The following GABRB3 variants were observed in gnomAD, a reference collection of about 807,000 sequenced individuals.
GABRB3 encodes the protein gamma-aminobutyric acid type A receptor subunit beta3, also known as gamma-aminobutyric acid receptor subunit beta-3.
A neutral mutation model predicts 52.1 loss-of-function variants in GABRB3; 14 were observed. The ratio of observed to expected loss-of-function variants is 0.27; its 90% CI spans 0.18 to 0.42. GABRB3 has a LOEUF of 0.42. Ranked by LOEUF, GABRB3 falls within the 10% of genes least tolerant of loss-of-function variation. GABRB3 has a pLI of 1.00. For missense variants in GABRB3, 307 were observed against 609.1 expected, an observed-to-expected ratio of 0.50 and a Z score of 5.22; for synonymous variants, 260 against 232.3, an observed-to-expected ratio of 1.12 and a Z score of -1.08.
At chr15:26,623,781 C>T (rs1195439459) in intron 3 of GABRB3, among the ~76,000 whole-genome samples, 1 of 152,064 alleles carries the variant, frequency 6.6e-6, no homozygotes, top group Non-Finnish European at 1.5e-5. Flanking sequence ...TGAGCCTGCA[C>T]ACCCCGTGTC....
At chr15:26,705,131 C>G (rs1016985019) in intron 3 of GABRB3, among the ~76,000 whole-genome samples, 11 of 152,288 alleles carry the variant, frequency 7.2e-5, no homozygotes, top group Non-Finnish European at 1.3e-4. Flanking sequence ...TTATAACGAG[C>G]AGAAATGTAT....
At chr15:26,552,758 C>T (rs577829900) in intron 8 of GABRB3, among the ~76,000 whole-genome samples, 21 of 152,252 alleles carry the variant, frequency 1.4e-4, no homozygotes, top group African/African-American at 2.6e-4. Context: ...CATCTTCTAC[C>T]GTACCTTGTG....
chr15:26,637,510 G>A (rs1893091196), intron 3 of GABRB3, among the ~76,000 whole-genome samples: 1 of 152,176 alleles, frequency 6.6e-6, no homozygotes, highest in African/African-American at 2.4e-5. Flanking sequence ...ATGGTGCTGA[G>A]CACAAATTAG....
chr15:26,732,008 T>G lies in GABRB3; in HGVS notation c.240+40394A>C, dbSNP rs73372126. Reference sequence around the variant, plus strand: ...ATGGACAGATGGACGCGTGGACAGATGGACAGATGGTTGGATGGATGGATG... The same window carrying G: ...ATGGACAGATGGACGCGTGGACAGAGGGACAGATGGTTGGATGGATGGATG... On this transcript the variant is annotated intron_variant, in intron 3 of 8. Transcript: ENST00000311550. Among the ~76,000 whole-genome samples the G allele has an allele frequency of 8.3e-3, 1,261 of 152,192 alleles. 17 individuals carry two copies. Among genetic ancestry groups the G allele is most frequent in the African/African-American group, 0.029 (1,222 of 41,526 alleles).
chr15:26,600,982 G>C (rs1054944136), intron 4 of GABRB3, among the ~76,000 whole-genome samples: 1 of 152,146 alleles, frequency 6.6e-6, no homozygotes, highest in Admixed American at 6.6e-5. Context: ...CATAAAATGT[G>C]TGTGGGGGGG....
intron 7 of GABRB3, 94 bp from the exon 8 acceptor site, chr15:26,561,270 T>C: frequency 6.4e-7 from 1 of 1,559,028 alleles, no homozygotes; most frequent in Non-Finnish European, 8.8e-7. Context: ...CAGCTTTAAG[T>C]AGTCAGAGAT....
chr15:26,670,781 C>T (rs1446512091), intron 3 of GABRB3, among the ~76,000 whole-genome samples: 1 of 152,220 alleles, frequency 6.6e-6, no homozygotes, highest in Non-Finnish European at 1.5e-5. Context: ...ATTTAAAACT[C>T]GCTTTTCCTA....
rs943771659 is a variant in GABRB3 at position 26,673,475 on chromosome 15, C to T, written c.241-51941G>A. On this transcript the variant is annotated intron_variant, in intron 3 of 8. Coordinates refer to ENST00000311550, the MANE Select transcript of GABRB3 (RefSeq NM_000814.6). ...AGCTGTACCTGTTCACCTAAAATTT[C>T]GCTTCATCCCCTAAGGTACTTGGAG... Among the ~76,000 whole-genome samples, 9 of 152,164 alleles carry T rather than the reference C, an allele frequency of 5.9e-5. No individual in the cohort carries two copies. The South Asian group carries it at 1.0e-3, about 17-fold the overall frequency.
chr15:26,581,053 G>T (rs1032471569), intron 5 of GABRB3: 5 of 206,424 alleles, frequency 2.4e-5, no homozygotes, highest in African/African-American at 1.2e-4. Context: ...ATGGGCACAG[G>T]TGGTCTCATC....
At chr15:26,631,192 A>G (rs1387326800) in intron 3 of GABRB3, among the ~76,000 whole-genome samples, 1 of 152,226 alleles carries the variant, frequency 6.6e-6, no homozygotes, top group African/African-American at 2.4e-5. Context: ...AAATCTCCTG[A>G]GTATATACAA....
chr15:26,696,919 C>T (rs1290566576), intron 3 of GABRB3, among the ~76,000 whole-genome samples: 1 of 152,136 alleles, frequency 6.6e-6, no homozygotes, highest in African/African-American at 2.4e-5. Flanking sequence ...TATTGCACCC[C>T]GACAATGGCC....
intron 6 of GABRB3, 86 bp downstream of exon 6, chr15:26,580,233 G>T: frequency 6.8e-7 from 1 of 1,472,348 alleles, no homozygotes. Context: ...CCTGTGCTGT[G>T]AGTCTATGGC....
chr15:26,743,827 A>C (rs979705812), intron 3 of GABRB3, among the ~76,000 whole-genome samples: 2 of 152,232 alleles, frequency 1.3e-5, no homozygotes, highest in African/African-American at 4.8e-5. Context: ...ATTGGTCACC[A>C]GAGATGAATG....
intron 3 of GABRB3, among the ~76,000 whole-genome samples, chr15:26,643,281 C>A (rs1893259591): frequency 6.6e-6 from 1 of 152,196 alleles, no homozygotes; most frequent in South Asian, 2.1e-4. Context: ...TGACTGCAGT[C>A]ATGGTGGAAC....
At chr15:26,640,471 C>T (rs1032323711) in intron 3 of GABRB3, among the ~76,000 whole-genome samples, 2 of 152,034 alleles carry the variant, frequency 1.3e-5, no homozygotes. Context: ...GAGCCGAGAT[C>T]ACGCCACTGC....
At position 26,580,323 on chromosome 15, in the gene GABRB3, G is replaced by A; in HGVS notation, c.678C>T (p.Ala226=). 1 of 1,614,140 alleles carries A rather than the reference G, an allele frequency of 6.2e-7. No homozygotes were observed. Among genetic ancestry groups the A allele is most frequent in the Non-Finnish European group, 8.5e-7 (1 of 1,180,032 alleles). ...HRLVSRNVVF[A]TGAYPRLSLS... is the part of the protein sequence containing the mutation. ...ATAAGTGGATGCAGGACTCACCTGT[G>A]GCGAAGACAACATTCCTCGAGACCA... The change falls in exon 6 of 9, where the codon GCC becomes GCT. Residue 226 remains alanine (A), a synonymous_variant. Coordinates refer to ENST00000311550, the MANE Select transcript of GABRB3 (RefSeq NM_000814.6).
chr15:26,772,727 G>A lies in GABRB3; in HGVS notation c.126C>T (p.Asp42=). ...GNMSFVKETV[D]KLLKGYDIRL... ...GAATGTCGTAGCCTTTCAACAGCTT[G>A]TCCACCGTCTCCTTCACAAAGGACA... The change falls in exon 2 of 9, where the codon GAC becomes GAT. Residue 42 remains aspartate (D), a synonymous_variant. Transcript: ENST00000311550. The A allele has an allele frequency of 6.3e-7, 1 of 1,576,240 alleles. No individual in the cohort carries two copies. Among genetic ancestry groups the A allele is most frequent in the East Asian group, 2.5e-5 (1 of 40,638 alleles).
At chr15:26,773,643 A>G, upstream of GABRB3, 2 of 1,560,098 alleles carry the variant, frequency 1.3e-6, no homozygotes, top group Non-Finnish European at 1.7e-6. Flanking sequence ...CCCCCGCCTC[A>G]CCTGCGGGGC....
At chr15:26,591,091 A>G (rs1402632821) in intron 4 of GABRB3, among the ~76,000 whole-genome samples, 5 of 152,150 alleles carry the variant, frequency 3.3e-5, no homozygotes, top group Admixed American at 2.0e-4. Flanking sequence ...TGGGTAAGCT[A>G]ATGGGTCTCC....
Sources: allele counts gnomAD v4.1 joint callset (sites outside exome capture counted in the v4.1 genomes callset), GRCh38; gene constraint gnomAD v4.1.1; transcripts MANE v1.5; gene names NCBI Gene and HGNC (gene_info 2026-07-23, HGNC 2026-07-21).